RGS18: variants seen among roughly 807,000 people sequenced by gnomAD.
The protein encoded by RGS18 is regulator of G protein signaling 18.
Under a neutral mutation model 27.6 loss-of-function variants are expected in RGS18, and 22 were observed. That is an observed-to-expected ratio of 0.80 (90% CI 0.57 to 1.14). RGS18 has a LOEUF of 1.14. Among genes scored for constraint, RGS18 ranks in the 50% most tolerant of loss-of-function variants. The pLI is 0.00. For missense variants in RGS18, 299 were observed against 269.6 expected, an observed-to-expected ratio of 1.11 and a Z score of -0.76; for synonymous variants, 89 against 84.6, an observed-to-expected ratio of 1.05 and a Z score of -0.29.
In RGS18 at chr1:192,176,210, CA is replaced by C. The variant is rs1399832127; in HGVS notation, c.284-5076del. Among the ~76,000 whole-genome samples, 14 of 151,854 alleles carry C rather than the reference CA, an allele frequency of 9.2e-5. 1 individual carries two copies. The South Asian group carries it at 2.9e-3, about 31-fold the overall frequency. ...ATTTATTTTTGAGAAACACAAGTGA[CA>C]AAAAAGAGAGAACAAGTTAGTACAA... is the stretch of plus-strand genomic sequence containing the variant. On this transcript the variant is annotated intron_variant, in intron 3 of 4. Transcript: ENST00000367460.
chr1:192,168,555 C>T (rs1472918955), intron 3 of RGS18: 2 of 152,168 alleles, frequency 1.3e-5, no homozygotes, highest in Non-Finnish European at 2.9e-5. Flanking sequence ...AGTCGACACT[C>T]ATGCTTGTGA....
intron 4 of RGS18, among the ~76,000 whole-genome samples, chr1:192,182,518 G>A (rs775442747): frequency 1.3e-4 from 19 of 151,504 alleles, no homozygotes; most frequent in Non-Finnish European, 2.8e-4. Context: ...AAATTTTTTA[G>A]ATAATCTGTC....
At chr1:192,162,190 A>T (rs764836046) in intron 3 of RGS18, among the ~76,000 whole-genome samples, 20 of 152,288 alleles carry the variant, frequency 1.3e-4, no homozygotes, top group Middle Eastern at 3.4e-3. Context: ...AGTAACTTAA[A>T]CAGCCTTCCT....
intron 3 of RGS18, among the ~76,000 whole-genome samples, chr1:192,173,442 T>C (rs1265672895): frequency 6.6e-6 from 1 of 151,950 alleles, no homozygotes; most frequent in Non-Finnish European, 1.5e-5. Context: ...GTTTTGGTAT[T>C]AGAATTTATC....
chr1:192,166,739 G>A (rs1424974662), intron 3 of RGS18, among the ~76,000 whole-genome samples: 1 of 152,126 alleles, frequency 6.6e-6, no homozygotes, highest in South Asian at 2.1e-4. Flanking sequence ...TGTAATAGAT[G>A]CGAAATAGAG....
rs1407068832 is a variant in RGS18 at position 192,172,882 on chromosome 1, T to TATATAA, written c.284-8409_284-8408insTATAAA. Among the ~76,000 whole-genome samples the TATATAA allele has an allele frequency of 2.4e-4, 25 of 104,888 alleles. No homozygotes were observed. The East Asian group carries it at 4.5e-3, about 19-fold the overall frequency. The allele number at this position is 104,888 out of a possible 152,430, so 68.8% of individuals were successfully genotyped here. A position where few individuals can be genotyped will look rare whatever the true frequency, so the allele number is the denominator to read the frequency against. On this transcript the variant is annotated intron_variant, in intron 3 of 4. Transcript: ENST00000367460. ...AAATATGCATATATATATATATATA[T>TATATAA]AAATATATATATATACACATATGTA...
intron 3 of RGS18, chr1:192,169,811 ATTT>A: frequency 6.6e-6 from 1 of 152,306 alleles, no homozygotes; most frequent in Non-Finnish European, 1.5e-5. Flanking sequence ...GAAATAAGAC[ATTT>A]TAGAATTCTA....
At chr1:192,181,515 T>C in intron 4 of RGS18, 57 bp downstream of exon 4, 2 of 1,175,684 alleles carry the variant, frequency 1.7e-6, no homozygotes, top group Non-Finnish European at 2.3e-6. Flanking sequence ...TTTAATAATT[T>C]TATTTTTAAA....
Position 192,166,067 on chromosome 1 carries a change from G to C in RGS18, c.283+5628G>C, listed in dbSNP as rs1333298941. ...GGCTTTATAAAAGTTAATTTTATCA[G>C]TTTGAACTTATAAAATCAGTTGATG... On this transcript the variant is annotated intron_variant, in intron 3 of 4. Transcript: ENST00000367460. Among the ~76,000 whole-genome samples the C allele has an allele frequency of 4.6e-5, 7 of 152,142 alleles. No homozygotes were observed. The East Asian group carries it at 1.4e-3, about 29-fold the overall frequency.
intron 3 of RGS18, among the ~76,000 whole-genome samples, chr1:192,162,923 C>T (rs1656099221): frequency 6.6e-6 from 1 of 152,202 alleles, no homozygotes; most frequent in African/African-American, 2.4e-5. Flanking sequence ...AGGAAACATA[C>T]ATCTTTTCAT....
rs564293999 is a variant in RGS18, at chr1:192,173,961, T to G, written c.284-7331T>G. On this transcript the variant is annotated intron_variant, in intron 3 of 4. Transcript: ENST00000367460. Reference sequence around the variant, plus strand: ...TATGTATTTAATTTGCTCTTCAAGTTTCTTAAGGTGGAAACCTAGATCTTA... The same window carrying G: ...TATGTATTTAATTTGCTCTTCAAGTGTCTTAAGGTGGAAACCTAGATCTTA... Among the ~76,000 whole-genome samples, 3 of 151,832 alleles carry G rather than the reference T, an allele frequency of 2.0e-5. No homozygotes were observed. In the East Asian group the frequency reaches 5.8e-4, roughly 30 times the overall value.
At chr1:192,165,112 G>A (rs1489040326) in intron 3 of RGS18, among the ~76,000 whole-genome samples, 1 of 152,068 alleles carries the variant, frequency 6.6e-6, no homozygotes, top group Non-Finnish European at 1.5e-5. Flanking sequence ...AACAGCCCTG[G>A]GGAAAGAATG....
chr1:192,182,172 T>A (rs1195869113), intron 4 of RGS18, among the ~76,000 whole-genome samples: 1 of 150,954 alleles, frequency 6.6e-6, no homozygotes, highest in East Asian at 2.0e-4. Context: ...GATATCTCTT[T>A]AACATGCTGA....
chr1:192,178,400 G>C (rs1022926685), intron 3 of RGS18, among the ~76,000 whole-genome samples: 1 of 151,476 alleles, frequency 6.6e-6, no homozygotes, highest in African/African-American at 2.4e-5. Context: ...ATCGTATTTG[G>C]GTGTTGAAGT....
At chr1:192,166,211 C>T (rs911504336) in intron 3 of RGS18, among the ~76,000 whole-genome samples, 2 of 152,074 alleles carry the variant, frequency 1.3e-5, no homozygotes, top group African/African-American at 4.8e-5. Flanking sequence ...TAACACATAA[C>T]TTCTAAAATA....
At chr1:192,166,937 A>G (rs1656173137) in intron 3 of RGS18, among the ~76,000 whole-genome samples, 1 of 152,206 alleles carries the variant, frequency 6.6e-6, no homozygotes, top group South Asian at 2.1e-4. Context: ...TGAAAATGTT[A>G]TATCTCATGA....
At chr1:192,182,988 T>C (rs1474185631) in intron 4 of RGS18, among the ~76,000 whole-genome samples, 3 of 151,578 alleles carry the variant, frequency 2.0e-5, no homozygotes, top group Non-Finnish European at 4.4e-5. Flanking sequence ...TGAGATTTTC[T>C]TTTACTCCAT....
chr1:192,167,507 C>T (rs899830380), intron 3 of RGS18, among the ~76,000 whole-genome samples: 33 of 152,156 alleles, frequency 2.2e-4, no homozygotes, highest in African/African-American at 7.7e-4. Flanking sequence ...GCAACCTCCA[C>T]CTCCTGGGTT....
chr1:192,181,124 C>T lies in RGS18; in HGVS notation c.284-168C>T, dbSNP rs542638045. Among the ~76,000 whole-genome samples, 26 of 151,644 alleles carry T rather than the reference C, an allele frequency of 1.7e-4. 1 individual carries two copies. In the South Asian group the frequency reaches 2.5e-3, roughly 15 times the overall value. On this transcript the variant is annotated intron_variant, in intron 3 of 4. Transcript: ENST00000367460. ...TACTTTCCTTTTATAGTTGTGAAAA[C>T]GACATGAGGGTCTCTCAGGTATATT...
Sources: allele counts gnomAD v4.1 joint callset (sites outside exome capture counted in the v4.1 genomes callset), GRCh38; gene constraint gnomAD v4.1.1; transcripts MANE v1.5; gene names NCBI Gene and HGNC (gene_info 2026-07-23, HGNC 2026-07-21).